ERAP1: variants seen among roughly 807,000 people sequenced by gnomAD.
The protein encoded by ERAP1 is endoplasmic reticulum aminopeptidase 1, also known as adipocyte-derived leucine aminopeptidase.
ERAP1 carries 86 observed loss-of-function variants against 103.7 expected under a neutral mutation model. That is an observed-to-expected ratio of 0.83 (90% CI 0.70 to 0.99). The LOEUF is 0.99. Among genes scored for constraint, ERAP1 ranks in the 50% least tolerant of loss-of-function variants. ERAP1 has a pLI of 0.00. For synonymous variants in ERAP1, 398 were observed against 402.4 expected (o/e 0.99, Z 0.13); for missense variants, 1,009 against 1,128.4 (o/e 0.89, Z 1.52).
chr5:96,875,712 G>C, the ERAP1 span, among the ~76,000 whole-genome samples: 1 of 152,110 alleles, frequency 6.6e-6, no homozygotes, highest in Non-Finnish European at 1.5e-5. Context: ...GAGTTGTCAG[G>C]GTTCTGGTTC....
rs768012127 is a variant in ERAP1 at position 96,763,171 on chromosome 5, G to T, written c.*29C>A. 1.7e-5 allele frequency: 13 copies of T among 780,654 alleles called. No individual in the cohort carries two copies. In the African/African-American group the frequency reaches 2.0e-4, roughly 12 times the overall value. 48.4% of individuals were successfully genotyped at this position (780,654 alleles called of 1,614,324 possible). A position where few individuals can be genotyped will look rare whatever the true frequency, so the allele number is the denominator to read the frequency against. On this transcript the variant is annotated 3_prime_UTR_variant, in exon 20 of 20. Coordinates refer to the ERAP1 transcript ENST00000296754. ...TTGATGTAGCATCAAAGCATATTTAGTGCTGTAGTCTGAGATTCTGATGGA... is the reference window on the plus strand; with the variant it reads ...TTGATGTAGCATCAAAGCATATTTATTGCTGTAGTCTGAGATTCTGATGGA...
At chr5:96,845,188 A>G in the ERAP1 span, among the ~76,000 whole-genome samples, 1 of 152,152 alleles carries the variant, frequency 6.6e-6, no homozygotes, top group South Asian at 2.1e-4. Context: ...GTATAAAATT[A>G]CAATCATTTG....
At chr5:96,802,267 T>C (rs1778093192) in intron 2 of ERAP1, among the ~76,000 whole-genome samples, 1 of 152,182 alleles carries the variant, frequency 6.6e-6, no homozygotes, top group Admixed American at 6.5e-5. Flanking sequence ...TGTACAACTA[T>C]GTATTTTAAT....
chr5:96,859,957 G>C, the ERAP1 span, among the ~76,000 whole-genome samples: 1 of 152,108 alleles, frequency 6.6e-6, no homozygotes, highest in South Asian at 2.1e-4. Flanking sequence ...CTGAGCTTGG[G>C]CTGGGCTGCA....
chr5:96,869,837 T>C, the ERAP1 span, among the ~76,000 whole-genome samples: 1 of 152,114 alleles, frequency 6.6e-6, no homozygotes, highest in Non-Finnish European at 1.5e-5. Context: ...TTTGGAGGCT[T>C]AGGGAAATCT....
At chr5:96,781,928 A>AAC (rs1775239091) in intron 15 of ERAP1, 74 bp from the exon 16 acceptor site, 1 of 1,443,280 alleles carries the variant, frequency 6.9e-7, no homozygotes, top group Non-Finnish European at 9.7e-7. Flanking sequence ...GTGACTAACT[A>AAC]TGAACTGCTG....
At chr5:96,835,082 G>T in the ERAP1 span, among the ~76,000 whole-genome samples, 1 of 152,208 alleles carries the variant, frequency 6.6e-6, no homozygotes, top group South Asian at 2.1e-4. Flanking sequence ...TGTTAGGCGT[G>T]TACTAGTGGC....
At position 96,792,053 on chromosome 5, in the gene ERAP1, A is replaced by T. The variant is rs895303017; in HGVS notation, c.1320+8T>A. The T allele has an allele frequency of 6.2e-7, 1 of 1,613,680 alleles. No individual in the cohort carries two copies. Among genetic ancestry groups the T allele is most frequent in the Admixed American group, 1.7e-5 (1 of 59,994 alleles). ...TAAACTGTATCCTTATACTCAATCTACTTTTACCTTATCATAAGAAACATC... is the reference window on the plus strand; with the variant it reads ...TAAACTGTATCCTTATACTCAATCTTCTTTTACCTTATCATAAGAAACATC... On this transcript the variant is annotated splice_region_variant and intron_variant, in intron 8 of 18. Transcript: ENST00000443439.
chr5:96,825,285 G>A, the ERAP1 span, among the ~76,000 whole-genome samples: 6 of 152,054 alleles, frequency 3.9e-5, no homozygotes, highest in South Asian at 1.3e-3. Flanking sequence ...CAAATATTTG[G>A]GTATTTTCCA....
chr5:96,892,996 A>AGCTGTTC, the ERAP1 span, among the ~76,000 whole-genome samples: 3,510 of 152,284 alleles, frequency 0.023, 52 homozygotes, highest in Non-Finnish European at 0.035. Context: ...TGTTTCATAA[A>AGCTGTTC]GCTGTTCTGA....
At chr5:96,829,629 A>T in the ERAP1 span, among the ~76,000 whole-genome samples, 8 of 152,350 alleles carry the variant, frequency 5.3e-5, no homozygotes, top group East Asian at 1.5e-3. Flanking sequence ...GCGAGGACAC[A>T]GGGAAGCAGA....
chr5:96,883,872 A>C, the ERAP1 span: 1 of 1,613,716 alleles, frequency 6.2e-7, no homozygotes, highest in Non-Finnish European at 8.5e-7. Flanking sequence ...TTCAAAGCCA[A>C]CTTTTCAATC....
the ERAP1 span, among the ~76,000 whole-genome samples, chr5:96,899,874 TG>T: frequency 6.6e-6 from 1 of 152,212 alleles, no homozygotes; most frequent in Non-Finnish European, 1.5e-5. Flanking sequence ...GAACGGTTAA[TG>T]ACTTTATTGA....
chr5:96,907,946 C>T, the ERAP1 span, among the ~76,000 whole-genome samples: 246 of 152,058 alleles, frequency 1.6e-3, no homozygotes, highest in African/African-American at 3.5e-3. Context: ...TCCAGCCTTC[C>T]GTCTTCAGGT....
the ERAP1 span, among the ~76,000 whole-genome samples, chr5:96,837,251 A>G: frequency 6.6e-6 from 1 of 152,354 alleles, no homozygotes; most frequent in East Asian, 1.9e-4. Flanking sequence ...TATTAAATGT[A>G]TAAAACTTTT....
the ERAP1 span, among the ~76,000 whole-genome samples, chr5:96,907,281 G>A: frequency 6.6e-6 from 1 of 152,110 alleles, no homozygotes. Context: ...AAACAACTCA[G>A]TAACTATATA....
chr5:96,882,662 A>G, the ERAP1 span, among the ~76,000 whole-genome samples: 2 of 152,232 alleles, frequency 1.3e-5, no homozygotes, highest in Non-Finnish European at 2.9e-5. Flanking sequence ...TGTTACAACC[A>G]AAATTTCATG....
At chr5:96,914,148 T>TCACACACACACACACA in the ERAP1 span, among the ~76,000 whole-genome samples, 4,815 of 147,970 alleles carry the variant, frequency 0.033, 171 homozygotes, top group African/African-American at 0.087. Flanking sequence ...TCTCTCTCTC[T>TCACACACACACACACA]CACACACACA....
At chr5:96,921,588 C>G in the ERAP1 span, among the ~76,000 whole-genome samples, 2 of 152,192 alleles carry the variant, frequency 1.3e-5, no homozygotes, top group African/African-American at 4.8e-5. Flanking sequence ...TACAATCTTT[C>G]CTTCCCAACC....
Sources: gnomAD v4.1 joint callset for allele counts (sites outside exome capture counted in the v4.1 genomes callset) on GRCh38, gnomAD v4.1.1 for gene constraint, MANE v1.5 for transcripts, NCBI Gene and HGNC (gene_info 2026-07-23, HGNC 2026-07-21) for gene names.